The following HS3ST4 variants were observed in gnomAD, a reference collection of about 807,000 sequenced individuals.
HS3ST4 encodes the protein heparan sulfate glucosamine 3-O-sulfotransferase 4.
In HS3ST4, 17 loss-of-function variants were observed where a neutral mutation model predicts 29.2. The ratio of observed to expected loss-of-function variants is 0.58; its 90% confidence interval spans 0.40 to 0.87. The LOEUF (loss-of-function observed/expected upper bound fraction) is 0.87, where lower values mean the gene tolerates loss of function less well. Ranked by LOEUF, HS3ST4 falls within the 40% of genes least tolerant of loss-of-function variation. The pLI is 0.00. For synonymous variants in HS3ST4, 314 were observed against 285.7 expected, an observed-to-expected ratio of 1.10 and a Z score of -1.00; for missense variants, 627 against 634.5, an observed-to-expected ratio of 0.99 and a Z score of 0.13.
chr16:25,756,594 A>AT (rs1197209886), intron 1 of HS3ST4, among the ~76,000 whole-genome samples: 2 of 152,172 alleles, frequency 1.3e-5, no homozygotes, highest in Admixed American at 1.3e-4. Context: ...AGATCTTCAG[A>AT]TTCAATATTG....
At chr16:26,043,220 G>A (rs1969651083) in intron 1 of HS3ST4, among the ~76,000 whole-genome samples, 1 of 152,182 alleles carries the variant, frequency 6.6e-6, no homozygotes, top group South Asian at 2.1e-4. Context: ...TGTGACAAGT[G>A]CATGGTATGG....
chr16:25,757,038 T>A (rs1394071063), intron 1 of HS3ST4, among the ~76,000 whole-genome samples: 1 of 152,236 alleles, frequency 6.6e-6, no homozygotes, highest in Non-Finnish European at 1.5e-5. Flanking sequence ...CCTGTGCCTA[T>A]GTTTATAGTT....
chr16:26,135,927 C>T lies in HS3ST4; in HGVS notation c.1050C>T (p.Ser350=), dbSNP rs750882380. 6.2e-7 allele frequency: 1 copy of T among 1,613,988 alleles called. No homozygotes were observed. Among genetic ancestry groups the T allele is most frequent in the East Asian group, 2.2e-5 (1 of 44,868 alleles). ...LENWLQYFPL[S]QILFVSGERL... ...ACTGGCTCCAGTATTTCCCCCTCTC[C>T]CAGATCCTCTTTGTCAGTGGTGAGC... The change falls in exon 2 of 2, where the codon TCC becomes TCT. Residue 350 remains serine, a synonymous_variant. Transcript: ENST00000331351.
intron 1 of HS3ST4, among the ~76,000 whole-genome samples, chr16:26,049,592 T>C (rs1010462367): frequency 6.6e-6 from 1 of 151,588 alleles, no homozygotes; most frequent in Non-Finnish European, 1.5e-5. Flanking sequence ...GTGTGGATTT[T>C]CCCCCACACA....
intron 1 of HS3ST4, among the ~76,000 whole-genome samples, chr16:25,977,659 T>G (rs1016507632): frequency 1.7e-4 from 26 of 152,240 alleles, no homozygotes; most frequent in Admixed American, 5.9e-4. Flanking sequence ...CTATTAACAC[T>G]ACAGCAAGTT....
chr16:26,118,303 G>A (rs1435969242), intron 1 of HS3ST4, among the ~76,000 whole-genome samples: 1 of 152,168 alleles, frequency 6.6e-6, no homozygotes, highest in African/African-American at 2.4e-5. Context: ...CTGGGTTCAA[G>A]CAATGGGTTC....
chr16:25,892,604 G>T (rs1164133639), intron 1 of HS3ST4, among the ~76,000 whole-genome samples: 1 of 152,134 alleles, frequency 6.6e-6, no homozygotes, highest in Non-Finnish European at 1.5e-5. Flanking sequence ...GCAGGTGACA[G>T]AAACCTAGTC....
chr16:25,927,918 G>T (rs965322770), intron 1 of HS3ST4, among the ~76,000 whole-genome samples: 1 of 151,690 alleles, frequency 6.6e-6, no homozygotes, highest in African/African-American at 2.4e-5. Context: ...TGTGAAATAG[G>T]CTGGGTGCAG....
chr16:25,720,558 C>A (rs1427480797), intron 1 of HS3ST4, among the ~76,000 whole-genome samples: 1 of 152,124 alleles, frequency 6.6e-6, no homozygotes, highest in Non-Finnish European at 1.5e-5. Context: ...ATTGGTTCTT[C>A]CTGCTCTAAG....
At chr16:26,118,674 G>T (rs1293995491) in intron 1 of HS3ST4, among the ~76,000 whole-genome samples, 1 of 152,102 alleles carries the variant, frequency 6.6e-6, no homozygotes, top group African/African-American at 2.4e-5. Context: ...TAATATAAGA[G>T]CTGAATGACA....
At chr16:25,804,034 G>T (rs1205214813) in intron 1 of HS3ST4, among the ~76,000 whole-genome samples, 1 of 151,976 alleles carries the variant, frequency 6.6e-6, no homozygotes, top group Admixed American at 6.6e-5. Context: ...GTCCCCTGAG[G>T]TTATCACAGA....
chr16:26,075,159 C>G (rs1028950373), intron 1 of HS3ST4, among the ~76,000 whole-genome samples: 5 of 152,208 alleles, frequency 3.3e-5, no homozygotes, highest in Non-Finnish European at 7.3e-5. Context: ...TGCCAGTGCA[C>G]TCCAGCCCGG....
At chr16:25,735,396 T>G (rs1334489692) in intron 1 of HS3ST4, among the ~76,000 whole-genome samples, 2 of 152,120 alleles carry the variant, frequency 1.3e-5, no homozygotes, top group Non-Finnish European at 2.9e-5. Context: ...TTTCTTTTTT[T>G]TTTTTATTTG....
At chr16:25,806,411 C>G (rs924676123) in intron 1 of HS3ST4, among the ~76,000 whole-genome samples, 1 of 152,236 alleles carries the variant, frequency 6.6e-6, no homozygotes, top group Non-Finnish European at 1.5e-5. Flanking sequence ...TCATGAAGTG[C>G]CAGCTCAGTG....
intron 1 of HS3ST4, among the ~76,000 whole-genome samples, chr16:25,767,867 C>T (rs1198148574): frequency 6.6e-6 from 1 of 152,194 alleles, no homozygotes; most frequent in African/African-American, 2.4e-5. Flanking sequence ...AAAGTGTTCT[C>T]TTTGGTTTCT....
intron 1 of HS3ST4, among the ~76,000 whole-genome samples, chr16:25,992,178 A>G (rs965040999): frequency 6.6e-6 from 1 of 152,208 alleles, no homozygotes; most frequent in Non-Finnish European, 1.5e-5. Context: ...GACAAACGAG[A>G]TATTTATGAC....
rs188846789 is a variant in HS3ST4 at position 26,006,843 on chromosome 16, G to A, written c.735-128769G>A. Among the ~76,000 whole-genome samples the A allele has an allele frequency of 3.9e-5, 6 of 152,300 alleles. No homozygotes were observed. In the East Asian group the frequency reaches 1.2e-3, roughly 29 times the overall value. On this transcript the variant is annotated intron_variant, in intron 1 of 1. Transcript: ENST00000331351. The stretch of plus-strand genomic sequence containing the variant: ...AGGCTCCTCTCATCCTCCTAACCTG[G>A]AAGTCTTTCGTTAACTTTACAAACG...
chr16:25,951,157 A>C (rs943622297), intron 1 of HS3ST4, among the ~76,000 whole-genome samples: 1 of 152,148 alleles, frequency 6.6e-6, no homozygotes, highest in African/African-American at 2.4e-5. Flanking sequence ...GGAAGCTGAG[A>C]GGGGATTTAG....
rs1367184675 is a variant in HS3ST4, at chr16:25,692,518, A to G, written c.101A>G (p.Lys34Arg). 2 of 1,407,968 alleles carry G rather than the reference A, an allele frequency of 1.4e-6. No homozygotes were observed. The highest frequency in any genetic ancestry group is 2.4e-5 in the Admixed American group (1 of 41,462). The allele number at this position is 1,407,968 out of a possible 1,614,324, so 87.2% of individuals were successfully genotyped here. A position where few individuals can be genotyped will look rare whatever the true frequency, so the allele number is the denominator to read the frequency against. Residue 34 changes from lysine to arginine, a missense_variant, in exon 1 of 2, where the codon AAG becomes AGG. Coordinates refer to ENST00000331351, the MANE Select transcript of HS3ST4 (RefSeq NM_006040.3). The part of the protein sequence containing the change: ...GASAKGPPAR[K>R]LLFMCTLSLS... ...TCTGCTAAGGGGCCGCCGGCGCGCAAGCTGCTTTTTATGTGCACCTTGTCC... is the reference window on the plus strand; with the variant it reads ...TCTGCTAAGGGGCCGCCGGCGCGCAGGCTGCTTTTTATGTGCACCTTGTCC...
Sources: allele counts gnomAD v4.1 joint callset (sites outside exome capture counted in the v4.1 genomes callset), GRCh38; gene constraint gnomAD v4.1.1; transcripts MANE v1.5; gene names NCBI Gene and HGNC (gene_info 2026-07-23, HGNC 2026-07-21).